P2RX1: variants seen among roughly 807,000 people sequenced by gnomAD.
The protein encoded by P2RX1 is purinergic receptor P2X 1.
P2RX1 carries 42 observed loss-of-function variants against 50.3 expected under a neutral mutation model. The observed-to-expected ratio is 0.83, with a 90% CI of 0.65 to 1.08. The LOEUF (loss-of-function observed/expected upper bound fraction) is 1.08. P2RX1 is among the 50% of genes least tolerant of loss of function. The pLI is 0.00. For missense variants in P2RX1, 449 were observed against 529.0 expected, an observed-to-expected ratio of 0.85 and a Z score of 1.48; for synonymous variants, 199 against 202.6, an observed-to-expected ratio of 0.98 and a Z score of 0.15.
At chr17:3,904,982 G>A in intron 2 of P2RX1, 53 bp from the exon 3 acceptor site, 1 of 1,275,102 alleles carries the variant, frequency 7.8e-7, no homozygotes, top group Non-Finnish European at 1.1e-6. Flanking sequence ...TGGGAGAAGA[G>A]CCCCAAGGGC....
At chr17:3,904,185 G>A in intron 4 of P2RX1, 145 bp downstream of exon 4, 1 of 993,168 alleles carries the variant, frequency 1.0e-6, no homozygotes, top group Non-Finnish European at 1.6e-6. Flanking sequence ...GGCGGAGGAG[G>A]GGAGACGGCA....
At position 3,903,547 on chromosome 17, in the gene P2RX1, G is replaced by A. The variant is rs373739052; in HGVS notation, c.605+4C>T. Reference sequence around the variant, plus strand: ...CTGCATTTCTGCCCGAATTTCCCACGCACCTGTTGACCTTGAAGCGTGGAA... The same window carrying A: ...CTGCATTTCTGCCCGAATTTCCCACACACCTGTTGACCTTGAAGCGTGGAA... On this transcript the variant is annotated splice_donor_region_variant and intron_variant, in intron 6 of 11. Coordinates refer to ENST00000225538, the MANE Select transcript of P2RX1 (RefSeq NM_002558.4). The surrounding 1 kb of genome is among the most constrained non-coding windows in gnomAD (Gnocchi z 4.6). 3.3e-5 allele frequency: 53 copies of A among 1,613,778 alleles called. No homozygotes were observed. The highest frequency in any genetic ancestry group is 2.2e-4 in the South Asian group (20 of 91,084).
In P2RX1 at chr17:3,897,299, A is replaced by G. The variant is rs2056045259; in HGVS notation, c.*515T>C. ...GGGCTGTCTAATAGAACTTTCTTTG[A>G]CAGTGAAAATGCCCCGAGCTGTCCA... On this transcript the variant is annotated 3_prime_UTR_variant, in exon 12 of 12. Transcript: ENST00000225538. 5.6e-6 allele frequency: 1 copy of G among 179,046 alleles called. No individual in the cohort carries two copies. The highest frequency in any genetic ancestry group is 1.2e-5 in the Non-Finnish European group (1 of 82,126). The allele number at this position is 179,046 out of a possible 1,614,324, so 11.1% of individuals were successfully genotyped here.
At chr17:3,915,240 ACACACACTGGCCACC>A in intron 1 of P2RX1, 1 of 357,926 alleles carries the variant, frequency 2.8e-6, no homozygotes, top group Non-Finnish European at 5.5e-6. Flanking sequence ...CACACAGGGG[ACACACACTGGCCACC>A]CAGACACTTG....
intron 3 of P2RX1, 54 bp from the exon 4 acceptor site, chr17:3,904,453 G>A: frequency 3.3e-6 from 5 of 1,504,786 alleles, no homozygotes; most frequent in Non-Finnish European, 4.6e-6. Flanking sequence ...GTCCTGAGAA[G>A]AGCCCCTCTC....
intron 1 of P2RX1, among the ~76,000 whole-genome samples, chr17:3,905,935 G>T (rs78799608): frequency 0.039 from 5,940 of 152,004 alleles, 392 homozygotes; most frequent in African/African-American, 0.14. Context: ...GTTTGCTGGG[G>T]CCTGGAGGCC....
Position 3,903,775 on chromosome 17 carries a change from C to A in P2RX1, c.525-144G>T. On this transcript the variant is annotated intron_variant, in intron 5 of 11. Coordinates refer to ENST00000225538, the MANE Select transcript of P2RX1 (RefSeq NM_002558.4). This position sits in a 1 kb window ranked among gnomAD's most constrained non-coding sequence, Gnocchi z 4.6. Reference sequence around the variant, plus strand: ...TGGTGGAGGGGTGGGTGTGCTCTAGCGTGGCCAGGACCCAGGGGAATCTTC... The same window carrying A: ...TGGTGGAGGGGTGGGTGTGCTCTAGAGTGGCCAGGACCCAGGGGAATCTTC... 9.0e-7 allele frequency: 1 copy of A among 1,107,170 alleles called. No homozygotes were observed. Among genetic ancestry groups the A allele is most frequent in the East Asian group, 2.5e-5 (1 of 40,728 alleles). 68.6% of individuals were successfully genotyped at this position (1,107,170 alleles called of 1,614,324 possible). A position where few individuals can be genotyped will look rare whatever the true frequency, so the allele number is the denominator to read the frequency against.
rs1353078142 is a variant in P2RX1 at position 3,899,777 on chromosome 17, GTAGT to G, written c.748-20_748-17del. 3.7e-6 allele frequency: 6 copies of G among 1,612,680 alleles called. No individual in the cohort carries two copies. The highest frequency in any genetic ancestry group is 5.1e-6 in the Non-Finnish European group (6 of 1,179,102). On this transcript the variant is annotated splice_polypyrimidine_tract_variant and intron_variant, in intron 7 of 11. Coordinates refer to ENST00000225538, the MANE Select transcript of P2RX1 (RefSeq NM_002558.4). ...CCACTCCACCCTGCCAGGGACACAA[GTAGT>G]TAAGATCTGGGATTTCAGGATCAAA...
At chr17:3,906,386 C>G (rs572808899) in intron 1 of P2RX1, among the ~76,000 whole-genome samples, 285 of 152,358 alleles carry the variant, frequency 1.9e-3, no homozygotes, top group Non-Finnish European at 2.7e-3. Flanking sequence ...CCGCCTCGGC[C>G]TCCCAAAGTG....
intron 1 of P2RX1, among the ~76,000 whole-genome samples, chr17:3,910,380 C>T (rs536408036): frequency 7.9e-5 from 12 of 152,330 alleles, no homozygotes; most frequent in Non-Finnish European, 1.2e-4. Flanking sequence ...CCTGTGTCCT[C>T]GTCATGGAGA....
At chr17:3,912,726 A>C (rs1375869418) in intron 1 of P2RX1, among the ~76,000 whole-genome samples, 2 of 152,076 alleles carry the variant, frequency 1.3e-5, no homozygotes, top group South Asian at 4.2e-4. Flanking sequence ...CCCTCTCTCC[A>C]TTCCATGTCC....
At position 3,897,168 on chromosome 17, in the gene P2RX1, G is replaced by C. The variant is rs779754357; in HGVS notation, c.*646C>G. On this transcript the variant is annotated 3_prime_UTR_variant, in exon 12 of 12. Transcript: ENST00000225538. ...GCCATCCACACAGATCATACGGCCA[G>C]CCCTGGAGCTTTTGGTTCAGGAGGT... 1 of 158,354 alleles carries C rather than the reference G, an allele frequency of 6.3e-6. No homozygotes were observed. The highest frequency in any genetic ancestry group is 1.4e-5 in the Non-Finnish European group (1 of 71,178). 9.8% of individuals were successfully genotyped at this position (158,354 alleles called of 1,614,324 possible).
intron 1 of P2RX1, among the ~76,000 whole-genome samples, chr17:3,913,457 A>T (rs1251929282): frequency 6.6e-6 from 1 of 152,144 alleles, no homozygotes; most frequent in East Asian, 1.9e-4. Flanking sequence ...TGGATCTGAG[A>T]GGGTCAGCTC....
intron 1 of P2RX1, among the ~76,000 whole-genome samples, chr17:3,905,787 CAGT>C (rs1318573025): frequency 7.1e-6 from 1 of 141,342 alleles, no homozygotes; most frequent in Non-Finnish European, 1.5e-5. Context: ...CCGGAGGTTG[CAGT>C]GAGCCGAGAT....
rs1315593079 is a variant in P2RX1 at position 3,903,576 on chromosome 17, T to C, written c.580A>G (p.Ser194Gly). 6.2e-7 allele frequency: 1 copy of C among 1,614,208 alleles called. No individual in the cohort carries two copies. Among genetic ancestry groups the C allele is most frequent in the Non-Finnish European group, 8.5e-7 (1 of 1,180,038 alleles). ...NFTLFIKNSI[S>G]FPRFKVNRRN... Reference sequence around the variant, plus strand: ...CTGTTGACCTTGAAGCGTGGAAAGCTGATGCTGTTCTTGATGAAAAGAGTG... The same window carrying C: ...CTGTTGACCTTGAAGCGTGGAAAGCCGATGCTGTTCTTGATGAAAAGAGTG... Residue 194 changes from serine (S) to glycine (G), a missense_variant, in exon 6 of 12, where the codon AGC becomes GGC. Physicochemically the swap from Ser to Gly is moderately conservative, Grantham distance 56 (BLOSUM62 0). Coordinates refer to ENST00000225538, the MANE Select transcript of P2RX1 (RefSeq NM_002558.4). This position sits in a 1 kb window ranked among gnomAD's most constrained non-coding sequence, Gnocchi z 4.6.
chr17:3,911,257 G>C (rs1597527976), intron 1 of P2RX1, among the ~76,000 whole-genome samples: 1 of 151,868 alleles, frequency 6.6e-6, no homozygotes. Context: ...CAAAGTGCTG[G>C]GTTTACAGGC....
chr17:3,916,219 G>A lies in P2RX1; in HGVS notation c.7C>T (p.Arg3Trp), dbSNP rs769787851. Residue 3 changes from arginine (R) to tryptophan (W), a missense_variant, in exon 1 of 12, where the codon CGG (arginine) becomes TGG (tryptophan). Physicochemically the swap from Arg to Trp is moderately radical, Grantham distance 101. Coordinates refer to ENST00000225538, the MANE Select transcript of P2RX1 (RefSeq NM_002558.4). MA[R>W]RFQEELAAFL... ...GCGGCCAGCTCCTCCTGGAACCGCC[G>A]TGCCATGGTGGGCCGGCTGGGGCTC... 9.9e-6 allele frequency: 16 copies of A among 1,613,070 alleles called. No homozygotes were observed. The East Asian group carries it at 1.1e-4, about 11-fold the overall frequency.
chr17:3,909,519 C>G (rs1184631169), intron 1 of P2RX1, among the ~76,000 whole-genome samples: 1 of 152,180 alleles, frequency 6.6e-6, no homozygotes, highest in African/African-American at 2.4e-5. Context: ...AGACTGCACT[C>G]TCCCCTGAGA....
At position 3,914,551 on chromosome 17, in the gene P2RX1, C is replaced by G. The variant is rs2056417873; in HGVS notation, c.137+1538G>C. Among the ~76,000 whole-genome samples, 1 of 152,110 alleles carries G rather than the reference C, an allele frequency of 6.6e-6. No individual in the cohort carries two copies. The highest frequency in any genetic ancestry group is 2.4e-5 in the African/African-American group (1 of 41,424). On this transcript the variant is annotated intron_variant, in intron 1 of 11. Coordinates refer to ENST00000225538, the MANE Select transcript of P2RX1 (RefSeq NM_002558.4). This position sits in a 1 kb window ranked among gnomAD's most constrained non-coding sequence, Gnocchi z 4.1. Reference sequence around the variant, plus strand: ...GCAGGGGCAGAGAGAGGACAGCCTTCCCCCAGCCTCTTCCAGCAAGGGTAG... The same window carrying G: ...GCAGGGGCAGAGAGAGGACAGCCTTGCCCCAGCCTCTTCCAGCAAGGGTAG...
Sources: allele counts gnomAD v4.1 joint callset (sites outside exome capture counted in the v4.1 genomes callset), GRCh38; gene constraint gnomAD v4.1.1; non-coding constraint Gnocchi (gnomAD v3.1); transcripts MANE v1.5; gene names NCBI Gene and HGNC (gene_info 2026-07-23, HGNC 2026-07-21).